Variants in NEURL4 observed in about 807,000 individuals in gnomAD.
The protein encoded by NEURL4 is neuralized-like protein 4.
In NEURL4, 45 loss-of-function variants were observed where a neutral mutation model predicts 148.0. That is an observed-to-expected ratio of 0.30 (90% confidence interval 0.24 to 0.39). NEURL4 has a LOEUF of 0.39. Ranked by LOEUF, NEURL4 falls within the 10% of genes least tolerant of loss-of-function variation. The pLI, the probability that NEURL4 is intolerant of heterozygous loss-of-function variation, is 1.00. For synonymous variants in NEURL4, 854 were observed against 869.0 expected, an observed-to-expected ratio of 0.98 and a Z score of 0.30; for missense variants, 1,776 against 2,144.0, an observed-to-expected ratio of 0.83 and a Z score of 3.39.
chr17:7,317,647 TC>T (rs1419291071), intron 26 of NEURL4, 74 bp from the exon 27 acceptor site: 1 of 1,568,588 alleles, frequency 6.4e-7, no homozygotes, highest in Non-Finnish European at 8.8e-7. Flanking sequence ...ACGAGGCTCT[TC>T]CTTAGACAGG....
chr17:7,322,033 G>A lies in NEURL4; in HGVS notation c.2726-23C>T. On this transcript the variant is annotated intron_variant, in intron 16 of 28. Transcript: ENST00000399464. The surrounding 1 kb of genome is among the most constrained non-coding windows in gnomAD (Gnocchi z 5.5). The stretch of plus-strand genomic sequence containing the variant: ...CCACTGTGAAGAGATGGCACCAGTA[G>A]AAGGGGTAGGATTGGGGCAGCGAGC... 1.3e-6 allele frequency: 2 copies of A among 1,587,324 alleles called. No individual in the cohort carries two copies. Among genetic ancestry groups the A allele is most frequent in the Non-Finnish European group, 1.7e-6 (2 of 1,168,774 alleles).
Position 7,326,633 on chromosome 17 carries a change from C to A in NEURL4, c.1092+78G>T. On this transcript the variant is annotated intron_variant, in intron 4 of 28. Transcript: ENST00000399464. This position sits in a 1 kb window ranked among gnomAD's most constrained non-coding sequence, Gnocchi z 6.0. ...CCCTTGGTTCTTCCCCAGGGCCCACCCTCCTAGCACCAAGGGTCAATCCCC... is the reference window on the plus strand; with the variant it reads ...CCCTTGGTTCTTCCCCAGGGCCCACACTCCTAGCACCAAGGGTCAATCCCC... 6.2e-7 allele frequency: 1 copy of A among 1,603,244 alleles called. No homozygotes were observed. The highest frequency in any genetic ancestry group is 1.1e-5 in the South Asian group (1 of 90,592).
At position 7,322,720 on chromosome 17, in the gene NEURL4, G is replaced by A. The variant is rs200739474; in HGVS notation, c.2725+15C>T. ...GGCAAGCAGAGCCCGTCCAGCCCCC[G>A]CCCTGCTGCCGCACCTGGGGAGTGC... On this transcript the variant is annotated intron_variant, in intron 16 of 28. Coordinates refer to ENST00000399464, the MANE Select transcript of NEURL4 (RefSeq NM_032442.3). This position sits in a 1 kb window ranked among gnomAD's most constrained non-coding sequence, Gnocchi z 5.5. 5.3e-5 allele frequency: 85 copies of A among 1,607,966 alleles called. 1 individual carries two copies. In the African/African-American group the frequency reaches 1.1e-3, roughly 20 times the overall value.
In NEURL4 at chr17:7,325,461, G is replaced by A. The variant is rs1474577575; in HGVS notation, c.1379C>T (p.Pro460Leu). ...ACCATACACCACTGGGGGCGTCAAG[G>A]GGGTTGCCACTCCTGTGGCAGGAAG... is the stretch of plus-strand genomic sequence containing the variant. Reference protein sequence around the residue: ...INGIDQGVATPLTPPVVYGVV... With the variant: ...INGIDQGVATLLTPPVVYGVV... The change falls in exon 8 of 29, where the codon CCC (proline) becomes CTC (leucine). Residue 460 changes from proline (P) to leucine (L), a missense_variant. By Grantham distance (98) the Pro-to-Leu change is moderately conservative (BLOSUM62 -3). Coordinates refer to ENST00000399464, the MANE Select transcript of NEURL4 (RefSeq NM_032442.3). The A allele has an allele frequency of 6.2e-7, 1 of 1,611,474 alleles. No individual in the cohort carries two copies. Among genetic ancestry groups the A allele is most frequent in the Non-Finnish European group, 8.5e-7 (1 of 1,179,814 alleles).
Position 7,319,024 on chromosome 17 carries a change from G to C in NEURL4, c.3684+26C>G, listed in dbSNP as rs765033270. ...CTTCTCTACTCACAGGCCTGGTCCTGTTCCTTCTCTCTGGCTCCTACTCAC... is the reference window on the plus strand; with the variant it reads ...CTTCTCTACTCACAGGCCTGGTCCTCTTCCTTCTCTCTGGCTCCTACTCAC... On this transcript the variant is annotated intron_variant, in intron 22 of 28. Transcript: ENST00000399464. The C allele has an allele frequency of 4.4e-6, 7 of 1,591,438 alleles. No individual in the cohort carries two copies. In the East Asian group the frequency reaches 1.3e-4, roughly 31 times the overall value.
At chr17:7,319,591 T>C (rs1181607822) in intron 21 of NEURL4, among the ~76,000 whole-genome samples, 2 of 150,520 alleles carry the variant, frequency 1.3e-5, no homozygotes, top group African/African-American at 2.4e-5. Flanking sequence ...TCCCAGCTAC[T>C]TGGGAGGCTG....
intron 1 of NEURL4, among the ~76,000 whole-genome samples, chr17:7,328,562 C>T (rs961408972): frequency 1.3e-5 from 2 of 152,198 alleles, no homozygotes; most frequent in Non-Finnish European, 2.9e-5. Flanking sequence ...CGCCACCATG[C>T]CTGGCCAATT....
rs1230605643 is a variant in NEURL4, at chr17:7,324,504, G to C, written c.1814-24C>G. On this transcript the variant is annotated intron_variant, in intron 9 of 28. Coordinates refer to ENST00000399464, the MANE Select transcript of NEURL4 (RefSeq NM_032442.3). This position sits in a 1 kb window ranked among gnomAD's most constrained non-coding sequence, Gnocchi z 5.9. Reference sequence around the variant, plus strand: ...CCCTGGGAGGACAAGGAGCAGGAGGGGACATGAGGGGAAATGCAGGGCTCC... The same window carrying C: ...CCCTGGGAGGACAAGGAGCAGGAGGCGACATGAGGGGAAATGCAGGGCTCC... The C allele has an allele frequency of 3.1e-6, 5 of 1,599,564 alleles. No individual in the cohort carries two copies. In the African/African-American group the frequency reaches 6.7e-5, roughly 21 times the overall value.
rs559059220 is a variant in NEURL4 at position 7,316,288 on chromosome 17, C to T, written c.4524G>A (p.Gln1508=). ...GGCGCACACACACCTGGAACGCCAC[C>T]TGAGCCTGGTGCGTCCGCTGGGATT... ...DPKSQRTHQA[Q]VAFQVCVRPG... is the part of the protein sequence containing the mutation. The change falls in exon 29 of 29, where the codon CAG becomes CAA. Residue 1508 remains glutamine, a synonymous_variant. Transcript: ENST00000399464. The T allele has an allele frequency of 2.7e-5, 44 of 1,613,302 alleles. No individual in the cohort carries two copies. The South Asian group carries it at 4.7e-4, about 17-fold the overall frequency.
Position 7,325,307 on chromosome 17 carries a change from G to A in NEURL4, c.1533C>T (p.Ala511=). Reference sequence around the variant, plus strand: ...GCTCAGGTTCTGCCTGGGCGGCAGGGGCAGCACGGCGGAGAGCACCCTCGG... The same window carrying A: ...GCTCAGGTTCTGCCTGGGCGGCAGGAGCAGCACGGCGGAGAGCACCCTCGG... ...LSPEGALRRA[A]PAAQAEPERL... is the part of the protein sequence containing the mutation. Residue 511 remains alanine (A), a synonymous_variant, in exon 8 of 29, where the codon GCC becomes GCT. Coordinates refer to ENST00000399464, the MANE Select transcript of NEURL4 (RefSeq NM_032442.3). The A allele has an allele frequency of 6.2e-7, 1 of 1,611,844 alleles. No homozygotes were observed. Among genetic ancestry groups the A allele is most frequent in the African/African-American group, 1.3e-5 (1 of 74,872 alleles).
At position 7,318,793 on chromosome 17, in the gene NEURL4, G is replaced by A. The variant is rs1238463452; in HGVS notation, c.3685-119C>T. ...TTTGCCTCCATGCTTGCCCACTGCC[G>A]AGGTTCTCCTCCCACTGCAGTTACC... is the stretch of plus-strand genomic sequence containing the variant. On this transcript the variant is annotated intron_variant, in intron 22 of 28. Coordinates refer to ENST00000399464, the MANE Select transcript of NEURL4 (RefSeq NM_032442.3). This position sits in a 1 kb window ranked among gnomAD's most constrained non-coding sequence, Gnocchi z 4.3. The A allele has an allele frequency of 5.1e-6, 6 of 1,171,058 alleles. No homozygotes were observed. The East Asian group carries it at 7.7e-5, about 15-fold the overall frequency. The allele number at this position is 1,171,058 out of a possible 1,614,324, so 72.5% of individuals were successfully genotyped here.
At position 7,317,324 on chromosome 17, in the gene NEURL4, C is replaced by G. The variant is rs936996982; in HGVS notation, c.4365G>C (p.Gly1455=). ...LSCRPLKGEP[G]VGFEEPGENC... ...TCTCGCCAGGCTCCTCGAACCCTACCCCAGGTTCTCCCTTCAAAGGACGGC... is the reference window on the plus strand; with the variant it reads ...TCTCGCCAGGCTCCTCGAACCCTACGCCAGGTTCTCCCTTCAAAGGACGGC... The change falls in exon 28 of 29, where the codon GGG becomes GGC. Residue 1455 remains glycine, a synonymous_variant. Transcript: ENST00000399464. 1.3e-6 allele frequency: 2 copies of G among 1,543,470 alleles called. No homozygotes were observed. The highest frequency in any genetic ancestry group is 1.7e-6 in the Non-Finnish European group (2 of 1,143,726).
In NEURL4 at chr17:7,318,691, G is replaced by A. The variant is rs753609480; in HGVS notation, c.3685-17C>T. Reference sequence around the variant, plus strand: ...CTCGCAGATCTGGGAGGAGAGACCGGCTGTCTTCCAGAGGTCAGACTCCAC... The same window carrying A: ...CTCGCAGATCTGGGAGGAGAGACCGACTGTCTTCCAGAGGTCAGACTCCAC... On this transcript the variant is annotated splice_polypyrimidine_tract_variant and intron_variant, in intron 22 of 28. Coordinates refer to ENST00000399464, the MANE Select transcript of NEURL4 (RefSeq NM_032442.3). This position sits in a 1 kb window ranked among gnomAD's most constrained non-coding sequence, Gnocchi z 4.3. 1 of 1,592,390 alleles carries A rather than the reference G, an allele frequency of 6.3e-7. No homozygotes were observed. The highest frequency in any genetic ancestry group is 8.6e-7 in the Non-Finnish European group (1 of 1,167,712).
At position 7,316,069 on chromosome 17, in the gene NEURL4, C is replaced by CAAA; in HGVS notation, c.*53_*54insTTT. The CAAA allele has an allele frequency of 1.0e-6, 1 of 958,504 alleles. No individual in the cohort carries two copies. Among genetic ancestry groups the CAAA allele is most frequent in the South Asian group, 1.3e-5 (1 of 77,778 alleles). The allele number at this position is 958,504 out of a possible 1,614,324, so 59.4% of individuals were successfully genotyped here. A position where few individuals can be genotyped will look rare whatever the true frequency, so the allele number is the denominator to read the frequency against. ...GAATGAGGTGGAGGCAGTCGCCACT[C>CAAA]AGAGTCCATGGGCCCGCGGCCCGAC... On this transcript the variant is annotated 3_prime_UTR_variant, in exon 29 of 29. Transcript: ENST00000399464.
chr17:7,325,368 A>C lies in NEURL4; in HGVS notation c.1472T>G (p.Leu491Arg). 3 of 1,613,400 alleles carry C rather than the reference A, an allele frequency of 1.9e-6. No homozygotes were observed. The highest frequency in any genetic ancestry group is 2.5e-6 in the Non-Finnish European group (3 of 1,179,978). Residue 491 changes from leucine to arginine, a missense_variant, in exon 8 of 29, where the codon CTC (leucine) becomes CGC (arginine). By Grantham distance (102) the Leu-to-Arg change is moderately radical (BLOSUM62 -2). Coordinates refer to ENST00000399464, the MANE Select transcript of NEURL4 (RefSeq NM_032442.3). ...IVHNNNHSDR[L>R]RRNNAILRAL... is the part of the protein sequence containing the mutation. ...CCGCAGGATGGCGTTGTTTCGGCGGAGACGGTCACTGTGGTTGTTATTGTG... is the reference window on the plus strand; with the variant it reads ...CCGCAGGATGGCGTTGTTTCGGCGGCGACGGTCACTGTGGTTGTTATTGTG...
chr17:7,316,534 G>A (rs1439255581), intron 28 of NEURL4, among the ~76,000 whole-genome samples: 1 of 152,130 alleles, frequency 6.6e-6, no homozygotes, highest in Non-Finnish European at 1.5e-5. Flanking sequence ...GCCTTTGCTC[G>A]AATCTCTCCC....
chr17:7,324,328 C>T lies in NEURL4; in HGVS notation c.1900-58G>A. 6.2e-7 allele frequency: 1 copy of T among 1,613,602 alleles called. No homozygotes were observed. The highest frequency in any genetic ancestry group is 8.5e-7 in the Non-Finnish European group (1 of 1,179,698). ...AGGCAGAGTTCCTGCCGGGGCTGGT[C>T]CTGCATCAGCCCCGCGGTGTTTGTG... is the stretch of plus-strand genomic sequence containing the variant. On this transcript the variant is annotated intron_variant, in intron 10 of 28. Transcript: ENST00000399464. The surrounding 1 kb of genome is among the most constrained non-coding windows in gnomAD (Gnocchi z 5.9).
At position 7,327,110 on chromosome 17, in the gene NEURL4, C is replaced by A; in HGVS notation, c.793+55G>T. On this transcript the variant is annotated intron_variant, in intron 3 of 28. Transcript: ENST00000399464. The surrounding 1 kb of genome is among the most constrained non-coding windows in gnomAD (Gnocchi z 6.6). ...CCCTACCCCTTCTCCTGAGGGCCCT[C>A]CCTTGTCCACCTCACTTCCCACTCC... 6.2e-7 allele frequency: 1 copy of A among 1,603,472 alleles called. No homozygotes were observed.
chr17:7,317,344 G>C lies in NEURL4; in HGVS notation c.4345C>G (p.Pro1449Ala), dbSNP rs374832287. The change falls in exon 28 of 29, where the codon CCT (proline) becomes GCT (alanine). Residue 1449 changes from proline to alanine, a missense_variant. By Grantham distance (27) the Pro-to-Ala change is conservative. Transcript: ENST00000399464. The part of the protein sequence containing the change: ...AGTASILSCR[P>A]LKGEPGVGFE... ...CCTACCCCAGGTTCTCCCTTCAAAG[G>C]ACGGCAGCTCAGGATGGAGGCAGTA... 2.8e-5 allele frequency: 43 copies of C among 1,553,696 alleles called. No homozygotes were observed. Among genetic ancestry groups the C allele is most frequent in the Middle Eastern group, 3.5e-4 (2 of 5,790 alleles).
Sources: gnomAD v4.1 joint callset for allele counts (sites outside exome capture counted in the v4.1 genomes callset) on GRCh38, gnomAD v4.1.1 for gene constraint, Gnocchi (gnomAD v3.1) non-coding constraint, MANE v1.5 for transcripts, NCBI Gene and HGNC (gene_info 2026-07-23, HGNC 2026-07-21) for gene names.